SLCO1A2: variants seen among roughly 807,000 people sequenced by gnomAD.
SLCO1A2 encodes the protein OATP-1.
Under a neutral mutation model 69.0 loss-of-function variants are expected in SLCO1A2, and 67 were observed. That is an observed-to-expected ratio of 0.97 (90% CI 0.80 to 1.19). The LOEUF is 1.19. Ranked by LOEUF, SLCO1A2 falls within the 50% of genes most tolerant of loss-of-function variation. The pLI is 0.00. For synonymous variants in SLCO1A2, 260 were observed against 265.9 expected (o/e 0.98, Z 0.22); for missense variants, 787 against 793.7 (o/e 0.99, Z 0.10).
intron 2 of SLCO1A2, among the ~76,000 whole-genome samples, chr12:21,362,800 G>T (rs1219472439): frequency 6.6e-6 from 1 of 152,164 alleles, no homozygotes. Context: ...AAGAGACAAG[G>T]CCATTACATA....
intron 2 of SLCO1A2, among the ~76,000 whole-genome samples, chr12:21,365,155 G>T (rs1377455980): frequency 6.6e-6 from 1 of 152,096 alleles, no homozygotes; most frequent in Non-Finnish European, 1.5e-5. Flanking sequence ...TATACTACAA[G>T]GCTACAGTAA....
At chr12:21,369,844 G>A (rs1939654907) in intron 2 of SLCO1A2, among the ~76,000 whole-genome samples, 1 of 152,174 alleles carries the variant, frequency 6.6e-6, no homozygotes, top group Non-Finnish European at 1.5e-5. Context: ...CTTTAGAAAG[G>A]AGATTATGCC....
chr12:21,289,910 C>G lies in SLCO1A2; in HGVS notation c.1610+2254G>C, dbSNP rs111261939. Among the ~76,000 whole-genome samples the G allele has an allele frequency of 2.6e-3, 402 of 152,082 alleles. 2 individuals are homozygous for G. Among genetic ancestry groups the G allele is most frequent in the African/African-American group, 9.2e-3 (381 of 41,480 alleles). On this transcript the variant is annotated intron_variant, in intron 12 of 14. Coordinates refer to ENST00000683939, the MANE Select transcript of SLCO1A2 (RefSeq NM_001386879.1). Reference sequence around the variant, plus strand: ...AGAATTGCATGGAACAGTAGAACACCCAGTTGGTGTTGCAGAATTGAACAG... The same window carrying G: ...AGAATTGCATGGAACAGTAGAACACGCAGTTGGTGTTGCAGAATTGAACAG...
Position 21,265,676 on chromosome 12 carries a change from C to A in SLCO1A2, c.*3872G>T, listed in dbSNP as rs1462651098. The A allele has an allele frequency of 6.6e-6, 1 of 152,134 alleles. No individual in the cohort carries two copies. Among genetic ancestry groups the A allele is most frequent in the Non-Finnish European group, 1.5e-5 (1 of 68,028 alleles). 9.4% of individuals were successfully genotyped at this position (152,134 alleles called of 1,614,324 possible). On this transcript the variant is annotated 3_prime_UTR_variant, in exon 15 of 15. Transcript: ENST00000683939. Reference sequence around the variant, plus strand: ...TCTACAGAAAAGCATTTTCTGCTCTCTTCTCTTGGCTAAGGGCTCAGGAGA... The same window carrying A: ...TCTACAGAAAAGCATTTTCTGCTCTATTCTCTTGGCTAAGGGCTCAGGAGA...
In SLCO1A2 at chr12:21,304,421, A is replaced by G; in HGVS notation, c.589+6T>C. ...AAAAGAAGCTAAGGTAGATTTCCAT[A>G]CTTACCAATATATAAAGGAGAATTT... is the stretch of plus-strand genomic sequence containing the variant. On this transcript the variant is annotated splice_donor_region_variant and intron_variant, in intron 6 of 14. Transcript: ENST00000683939. 1 of 1,598,434 alleles carries G rather than the reference A, an allele frequency of 6.3e-7. No homozygotes were observed. Among genetic ancestry groups the G allele is most frequent in the Non-Finnish European group, 8.6e-7 (1 of 1,166,794 alleles).
At position 21,380,930 on chromosome 12, in the gene SLCO1A2, G is replaced by A. The variant is rs893466390; in HGVS notation, c.-189-6405C>T. Among the ~76,000 whole-genome samples, 6 of 141,886 alleles carry A rather than the reference G, an allele frequency of 4.2e-5. No individual in the cohort carries two copies. The East Asian group carries it at 1.1e-3, about 25-fold the overall frequency. The allele number at this position is 141,886 out of a possible 152,430, so 93.1% of individuals were successfully genotyped here. A position where few individuals can be genotyped will look rare whatever the true frequency, so the allele number is the denominator to read the frequency against. On this transcript the variant is annotated intron_variant, in intron 1 of 15. Coordinates refer to the SLCO1A2 transcript ENST00000307378. ...AATTATCAGGCGACTATCAGCTGAT[G>A]GTCAGGTGATTGTTAAATTGTCTCT...
Position 21,274,463 on chromosome 12 carries a change from C to T in SLCO1A2, c.1793+6G>A, listed in dbSNP as rs746541279. ...AAAACAATTTTAAACAAATTATTAT[C>T]TTTACCTGAAGGTGGTGGAATCATA... On this transcript the variant is annotated splice_donor_region_variant and intron_variant, in intron 14 of 14. Coordinates refer to ENST00000683939, the MANE Select transcript of SLCO1A2 (RefSeq NM_001386879.1). The T allele has an allele frequency of 5.7e-6, 9 of 1,569,306 alleles. No individual in the cohort carries two copies. The highest frequency in any genetic ancestry group is 6.1e-6 in the Non-Finnish European group (7 of 1,139,604).
chr12:21,350,588 G>A (rs967813460), intron 2 of SLCO1A2, among the ~76,000 whole-genome samples: 2 of 152,000 alleles, frequency 1.3e-5, no homozygotes, highest in African/African-American at 4.8e-5. Flanking sequence ...TGTAATCCCA[G>A]CACTTTGGGA....
At chr12:21,271,191 G>A (rs1276991942) in intron 14 of SLCO1A2, among the ~76,000 whole-genome samples, 1 of 151,784 alleles carries the variant, frequency 6.6e-6, no homozygotes, top group African/African-American at 2.4e-5. Context: ...TCCTGTAAAA[G>A]GTGTTTTACC....
chr12:21,395,337 C>T (rs139931570), exon 1 of SLCO1A2: 3,498 of 153,112 alleles, frequency 0.023, 79 homozygotes, highest in Non-Finnish European at 0.031. Flanking sequence ...CGGCGCGCCA[C>T]AAGATTATAT....
In SLCO1A2 at chr12:21,359,836, G is replaced by A. The variant is rs1422357397; in HGVS notation, c.-63+14563C>T. Among the ~76,000 whole-genome samples the A allele has an allele frequency of 2.0e-5, 3 of 152,058 alleles. No homozygotes were observed. The East Asian group carries it at 5.8e-4, about 29-fold the overall frequency. On this transcript the variant is annotated intron_variant, in intron 2 of 15. Coordinates refer to the SLCO1A2 transcript ENST00000307378. ...GAAGCATGTGTCAACACAAAGACTT[G>A]TACATGAATATTTGTTGCAGCTTTA...
At chr12:21,290,788 A>C (rs1304952952) in intron 12 of SLCO1A2, among the ~76,000 whole-genome samples, 1 of 152,192 alleles carries the variant, frequency 6.6e-6, no homozygotes, top group Non-Finnish European at 1.5e-5. Flanking sequence ...AAATACACAA[A>C]CACTAAGGTA....
chr12:21,363,776 C>A (rs1311166205), intron 2 of SLCO1A2, among the ~76,000 whole-genome samples: 3 of 152,158 alleles, frequency 2.0e-5, no homozygotes, highest in Non-Finnish European at 4.4e-5. Context: ...CACCTCTGTG[C>A]AAATCAGCTA....
chr12:21,377,373 A>G (rs1591899306), intron 1 of SLCO1A2, among the ~76,000 whole-genome samples: 2 of 152,150 alleles, frequency 1.3e-5, no homozygotes, highest in Admixed American at 1.3e-4. Flanking sequence ...TTTTTATGAC[A>G]TTATTTTTTA....
At chr12:21,270,411 T>C (rs992503562) in intron 14 of SLCO1A2, among the ~76,000 whole-genome samples, 4 of 151,790 alleles carry the variant, frequency 2.6e-5, no homozygotes, top group African/African-American at 9.7e-5. Flanking sequence ...TCAATTTTTA[T>C]GTAGAATTTT....
chr12:21,359,259 A>G (rs979221817), intron 2 of SLCO1A2, among the ~76,000 whole-genome samples: 1 of 152,220 alleles, frequency 6.6e-6, no homozygotes, highest in African/African-American at 2.4e-5. Context: ...TGGATAAATT[A>G]AACTTGATAG....
At position 21,301,209 on chromosome 12, in the gene SLCO1A2, C is replaced by A. The variant is rs774778697; in HGVS notation, c.650G>T (p.Cys217Phe). ...PLIGLLLASF[C>F]ANVYVDTGFV... ...TCCAGTGTCAACATAAACATTTGCACAGAATGATGCCAACAAAAGTCCAAT... is the reference window on the plus strand; with the variant it reads ...TCCAGTGTCAACATAAACATTTGCAAAGAATGATGCCAACAAAAGTCCAAT... Residue 217 changes from cysteine to phenylalanine, a missense_variant, in exon 7 of 15, where the codon TGT becomes TTT. Coordinates refer to ENST00000683939, the MANE Select transcript of SLCO1A2 (RefSeq NM_001386879.1). The A allele has an allele frequency of 1.9e-6, 3 of 1,612,486 alleles. No homozygotes were observed. The highest frequency in any genetic ancestry group is 2.7e-5 in the African/African-American group (2 of 74,814).
At chr12:21,402,645 C>T (rs186812514) in intron 1 of SLCO1A2, among the ~76,000 whole-genome samples, 2 of 152,102 alleles carry the variant, frequency 1.3e-5, no homozygotes, top group Non-Finnish European at 2.9e-5. Context: ...TAGGGACTAA[C>T]CATGATTTAG....
chr12:21,357,116 G>A (rs1424886665), intron 2 of SLCO1A2, among the ~76,000 whole-genome samples: 4 of 152,126 alleles, frequency 2.6e-5, no homozygotes, highest in African/African-American at 9.7e-5. Context: ...TTTATGGGTT[G>A]AACTGTGTCC....
Sources: allele counts gnomAD v4.1 joint callset (sites outside exome capture counted in the v4.1 genomes callset), GRCh38; gene constraint gnomAD v4.1.1; transcripts MANE v1.5; gene names NCBI Gene and HGNC (gene_info 2026-07-23, HGNC 2026-07-21).